Variants in IGFBP5 observed in about 807,000 individuals in gnomAD.
IGFBP5 encodes insulin-like growth factor-binding protein 5.
A neutral mutation model predicts 28.0 loss-of-function variants in IGFBP5; 12 were observed. That is an observed-to-expected ratio of 0.43 (90% CI 0.27 to 0.69). IGFBP5 has a LOEUF of 0.69. IGFBP5 is among the 30% of genes least tolerant of loss of function. The pLI is 0.20. For synonymous variants in IGFBP5, 152 were observed against 150.2 expected (o/e 1.01, Z -0.09); for missense variants, 344 against 381.6 (o/e 0.90, Z 0.82).
rs1688873891 is a variant in IGFBP5, at chr2:216,674,653, G to A, written c.*2098C>T. 1 of 152,202 alleles carries A rather than the reference G, an allele frequency of 6.6e-6. No individual in the cohort carries two copies. Among genetic ancestry groups the A allele is most frequent in the Admixed American group, 6.5e-5 (1 of 15,278 alleles). 9.4% of individuals were successfully genotyped at this position (152,202 alleles called of 1,614,324 possible). The stretch of plus-strand genomic sequence containing the variant: ...TTTCCTGGATATCTTCAGCCTTAAA[G>A]AACAGTCACAAGGCCACCCATTGGT... On this transcript the variant is annotated 3_prime_UTR_variant, in exon 4 of 4. Transcript: ENST00000233813. The surrounding 1 kb of genome is among the most constrained non-coding windows in gnomAD (Gnocchi z 4.4).
At chr2:216,681,282 C>T (rs1041092643) in intron 1 of IGFBP5, among the ~76,000 whole-genome samples, 7 of 152,116 alleles carry the variant, frequency 4.6e-5, no homozygotes, top group African/African-American at 1.7e-4. Context: ...TAGTTGACTA[C>T]TGTAGGGGGA....
intron 1 of IGFBP5, among the ~76,000 whole-genome samples, chr2:216,681,296 G>A (rs1688975397): frequency 6.6e-6 from 1 of 152,188 alleles, no homozygotes; most frequent in Non-Finnish European, 1.5e-5. Context: ...AGGGGGAGGG[G>A]CAGACAGGAT....
chr2:216,689,777 C>T (rs1242434961), intron 1 of IGFBP5, among the ~76,000 whole-genome samples: 1 of 152,218 alleles, frequency 6.6e-6, no homozygotes, highest in African/African-American at 2.4e-5. Flanking sequence ...CTATGGGTTC[C>T]TTCCAGCTTT....
chr2:216,690,782 G>A (rs900845193), intron 1 of IGFBP5, among the ~76,000 whole-genome samples: 1 of 151,580 alleles, frequency 6.6e-6, no homozygotes, highest in Non-Finnish European at 1.5e-5. Flanking sequence ...GGAGGGGTGA[G>A]AAAGGGGAAA....
In IGFBP5 at chr2:216,679,542, ACAGT is replaced by A. The variant is rs1022074925; in HGVS notation, c.338-467_338-464del. Among the ~76,000 whole-genome samples the A allele has an allele frequency of 6.6e-5, 10 of 152,142 alleles. No individual in the cohort carries two copies. The highest frequency in any genetic ancestry group is 9.7e-5 in the African/African-American group (4 of 41,418). ...ATCTGGGCCCATGGAGGCAGATGAC[ACAGT>A]CAGGGCGTGGACGAGAAGGGCAAAG... On this transcript the variant is annotated intron_variant, in intron 1 of 3. Coordinates refer to ENST00000233813, the MANE Select transcript of IGFBP5 (RefSeq NM_000599.4). This position sits in a 1 kb window ranked among gnomAD's most constrained non-coding sequence, Gnocchi z 4.6.
intron 1 of IGFBP5, among the ~76,000 whole-genome samples, chr2:216,689,977 AAGAG>A (rs11575142): frequency 0.36 from 54,654 of 150,276 alleles, 10,010 homozygotes; most frequent in South Asian, 0.5. Context: ...ATTTTTTAAA[AAGAG>A]AGAGAGAGAG....
Position 216,679,149 on chromosome 2 carries a change from G to A in IGFBP5, c.338-70C>T, listed in dbSNP as rs1431118876. 3 of 1,264,076 alleles carry A rather than the reference G, an allele frequency of 2.4e-6. No homozygotes were observed. The African/African-American group carries it at 4.4e-5, about 19-fold the overall frequency. The allele number at this position is 1,264,076 out of a possible 1,614,324, so 78.3% of individuals were successfully genotyped here. On this transcript the variant is annotated intron_variant, in intron 1 of 3. Transcript: ENST00000233813. This position sits in a 1 kb window ranked among gnomAD's most constrained non-coding sequence, Gnocchi z 4.6. ...GCACACGGCCAGAGCCCAGGGCTGG[G>A]CAGTTTGGGGTGAGGGGAGTAATAA... is the stretch of plus-strand genomic sequence containing the variant.
Position 216,694,487 on chromosome 2 carries a change from G to A in IGFBP5, c.289C>T (p.Arg97Cys), listed in dbSNP as rs1689143072. 6.3e-7 allele frequency: 1 copy of A among 1,589,408 alleles called. No homozygotes were observed. The highest frequency in any genetic ancestry group is 1.4e-5 in the African/African-American group (1 of 73,812). The change falls in exon 1 of 4, where the codon CGC becomes TGC. Residue 97 changes from arginine to cysteine, a missense_variant. Around this residue, in one of 3 missense-constraint regions of IGFBP5, gnomAD observed 304 missense variants for 329.2 expected, o/e 0.92. Coordinates refer to ENST00000233813, the MANE Select transcript of IGFBP5 (RefSeq NM_000599.4). This position sits in a 1 kb window ranked among gnomAD's most constrained non-coding sequence, Gnocchi z 5.2. Reference sequence around the variant, plus strand: ...CTCTTTTCGTTGAGGCAAACCCCGCGGCCGTGCAGCAGGGCGTGCAGCGGC... The same window carrying A: ...CTCTTTTCGTTGAGGCAAACCCCGCAGCCGTGCAGCAGGGCGTGCAGCGGC... Reference protein sequence around the residue: ...EKPLHALLHGRGVCLNEKSYR... With the variant: ...EKPLHALLHGCGVCLNEKSYR...
chr2:216,677,664 G>GC (rs1319298295), intron 3 of IGFBP5, among the ~76,000 whole-genome samples: 1 of 152,158 alleles, frequency 6.6e-6, no homozygotes, highest in Non-Finnish European at 1.5e-5. Context: ...CAGGGGTGGG[G>GC]CCCAGCCATC....
chr2:216,683,106 C>T (rs899643553), intron 1 of IGFBP5, among the ~76,000 whole-genome samples: 1 of 152,084 alleles, frequency 6.6e-6, no homozygotes, highest in African/African-American at 2.4e-5. Flanking sequence ...ATTGCCTGAG[C>T]CCAGGAGTTC....
chr2:216,680,965 G>A (rs570353180), intron 1 of IGFBP5, among the ~76,000 whole-genome samples: 16 of 152,172 alleles, frequency 1.1e-4, no homozygotes, highest in Middle Eastern at 3.2e-3. Flanking sequence ...TGGAATGCAG[G>A]ATTCTAGGGA....
intron 1 of IGFBP5, among the ~76,000 whole-genome samples, chr2:216,687,178 G>T (rs144622703): frequency 1.1e-4 from 16 of 152,312 alleles, no homozygotes; most frequent in South Asian, 4.1e-4. Flanking sequence ...CTCGACCTTT[G>T]TCTCTGGGGG....
At chr2:216,687,758 G>A (rs1574581709) in intron 1 of IGFBP5, among the ~76,000 whole-genome samples, 1 of 152,024 alleles carries the variant, frequency 6.6e-6, no homozygotes, top group East Asian at 1.9e-4. Context: ...TTTTCTCCTG[G>A]CCACTTTCCC....
intron 1 of IGFBP5, among the ~76,000 whole-genome samples, chr2:216,688,083 T>G (rs1022419187): frequency 1.4e-4 from 22 of 152,202 alleles, no homozygotes; most frequent in African/African-American, 5.1e-4. Context: ...ATCTGAAATG[T>G]GGCCCGGGGA....
At position 216,675,774 on chromosome 2, in the gene IGFBP5, T is replaced by C. The variant is rs1426252112; in HGVS notation, c.*977A>G. 2 of 151,980 alleles carry C rather than the reference T, an allele frequency of 1.3e-5. No individual in the cohort carries two copies. Among genetic ancestry groups the C allele is most frequent in the Non-Finnish European group, 2.9e-5 (2 of 67,998 alleles). The allele number at this position is 151,980 out of a possible 1,614,324, so 9.4% of individuals were successfully genotyped here. A position where few individuals can be genotyped will look rare whatever the true frequency, so the allele number is the denominator to read the frequency against. On this transcript the variant is annotated 3_prime_UTR_variant, in exon 4 of 4. Coordinates refer to ENST00000233813, the MANE Select transcript of IGFBP5 (RefSeq NM_000599.4). Reference sequence around the variant, plus strand: ...GAAAAAGAATAGATTTATATGCCTATATATGACTATATGGAGTCCTGTAGA... The same window carrying C: ...GAAAAAGAATAGATTTATATGCCTACATATGACTATATGGAGTCCTGTAGA...
intron 1 of IGFBP5, among the ~76,000 whole-genome samples, chr2:216,690,887 C>A (rs1057372747): frequency 6.7e-4 from 10 of 14,988 alleles, no homozygotes; most frequent in African/African-American, 2.4e-3. Flanking sequence ...GGAGGGGGGG[C>A]GGGGTGGGCG....
intron 3 of IGFBP5, 130 bp from the exon 4 acceptor site, chr2:216,677,012 C>A: frequency 2.1e-6 from 2 of 967,052 alleles, no homozygotes; most frequent in Non-Finnish European, 1.5e-6. Flanking sequence ...AGACCCGACC[C>A]TTGGGTTTCT....
At chr2:216,683,148 G>A (rs1004602555) in intron 1 of IGFBP5, among the ~76,000 whole-genome samples, 1 of 152,064 alleles carries the variant, frequency 6.6e-6, no homozygotes, top group Non-Finnish European at 1.5e-5. Flanking sequence ...GTGAAACCCC[G>A]TCTCTACAAA....
Position 216,674,397 on chromosome 2 carries a change from C to T in IGFBP5, c.*2354G>A, listed in dbSNP as rs1688870482. On this transcript the variant is annotated 3_prime_UTR_variant, in exon 4 of 4. Coordinates refer to ENST00000233813, the MANE Select transcript of IGFBP5 (RefSeq NM_000599.4). This position sits in a 1 kb window ranked among gnomAD's most constrained non-coding sequence, Gnocchi z 4.4. ...CCCTTTGTCTCATGAAGATTGAGCA[C>T]TTCTCCTGTCCCCAGCCAACTGTCC... 1 of 152,890 alleles carries T rather than the reference C, an allele frequency of 6.5e-6. No homozygotes were observed. The highest frequency in any genetic ancestry group is 2.4e-5 in the African/African-American group (1 of 41,458). 9.5% of individuals were successfully genotyped at this position (152,890 alleles called of 1,614,324 possible).
Sources: gnomAD v4.1 joint callset for allele counts (sites outside exome capture counted in the v4.1 genomes callset) on GRCh38, gnomAD v4.1.1 for gene constraint, gnomAD v4.1.1 regional missense constraint, Gnocchi (gnomAD v3.1) non-coding constraint, MANE v1.5 for transcripts, NCBI Gene and HGNC (gene_info 2026-07-23, HGNC 2026-07-21) for gene names.